NOX3: variants seen among roughly 807,000 people sequenced by gnomAD.
NOX3 encodes the protein NADPH oxidase catalytic subunit-like 3.
Under a neutral mutation model 76.7 loss-of-function variants are expected in NOX3, and 74 were observed. The ratio of observed to expected loss-of-function variants is 0.96; its 90% confidence interval spans 0.80 to 1.17. The LOEUF is 1.17. Among genes scored for constraint, NOX3 ranks in the 50% most tolerant of loss-of-function variants. NOX3 has a pLI of 0.00. For synonymous variants in NOX3, 263 were observed against 261.1 expected, an observed-to-expected ratio of 1.01 and a Z score of -0.07; for missense variants, 695 against 703.3, an observed-to-expected ratio of 0.99 and a Z score of 0.13.
chr6:155,423,445 A>G (rs1441345430), intron 9 of NOX3, among the ~76,000 whole-genome samples: 2 of 152,326 alleles, frequency 1.3e-5, no homozygotes, highest in South Asian at 2.1e-4. Flanking sequence ...ATACTGACTC[A>G]AAATCTGTGG....
Position 155,436,487 on chromosome 6 carries a change from T to C in NOX3, c.729A>G (p.Arg243=). 1 of 1,614,152 alleles carries C rather than the reference T, an allele frequency of 6.2e-7. No individual in the cohort carries two copies. Among genetic ancestry groups the C allele is most frequent in the Non-Finnish European group, 8.5e-7 (1 of 1,179,966 alleles). ...CTGTCTGCCATTCTGCATAGCGGTC[T>C]CTACAGAAGGTGATGTTGTGCAGAG... The part of the protein sequence containing the change: ...SLSLHNITFC[R]DRYAEWQTVA... The change falls in exon 7 of 14, where the codon AGA becomes AGG. Residue 243 remains arginine (R), a synonymous_variant. Transcript: ENST00000159060.
chr6:155,399,014 G>A (rs924433565), intron 12 of NOX3, among the ~76,000 whole-genome samples: 2 of 152,190 alleles, frequency 1.3e-5, no homozygotes, highest in Non-Finnish European at 2.9e-5. Context: ...GGTGCGGGGT[G>A]TTAACACAGA....
At chr6:155,402,811 C>A (rs1165487918) in intron 12 of NOX3, among the ~76,000 whole-genome samples, 1 of 152,194 alleles carries the variant, frequency 6.6e-6, no homozygotes, top group Non-Finnish European at 1.5e-5. Context: ...CGGCTTCGTG[C>A]TGATGAATAG....
In NOX3 at chr6:155,427,880, CT is replaced by C. The variant is rs535303759; in HGVS notation, c.1145+913del. ...CTTCTGTTATGTGCCCAGGCTTTTT[CT>C]TTTTCTTTCCTCCTCCTCCTCCTCC... On this transcript the variant is annotated intron_variant, in intron 9 of 13. Coordinates refer to ENST00000159060, the MANE Select transcript of NOX3 (RefSeq NM_015718.3). 1.4e-3 allele frequency among the ~76,000 whole-genome samples: 208 copies of C among 152,112 alleles called. 2 individuals are homozygous for C. Among genetic ancestry groups the C allele is most frequent in the African/African-American group, 4.8e-3 (199 of 41,508 alleles).
At chr6:155,412,303 G>A (rs998970639) in intron 10 of NOX3, among the ~76,000 whole-genome samples, 2 of 151,942 alleles carry the variant, frequency 1.3e-5, no homozygotes, top group Non-Finnish European at 2.9e-5. Flanking sequence ...CCTCTCTGCC[G>A]GCCAGCTTGT....
chr6:155,442,230 C>G (rs6902808), intron 5 of NOX3, among the ~76,000 whole-genome samples: 1,609 of 152,106 alleles, frequency 0.011, 25 homozygotes, highest in African/African-American at 0.034. Flanking sequence ...CACCACTGCA[C>G]TCCAGCTCTG....
chr6:155,418,388 C>G (rs1373557726), intron 10 of NOX3, among the ~76,000 whole-genome samples: 2 of 152,216 alleles, frequency 1.3e-5, no homozygotes, highest in East Asian at 3.8e-4. Flanking sequence ...TCAGCCTTCC[C>G]TCATCCCACA....
At chr6:155,405,339 G>C in intron 12 of NOX3, among the ~76,000 whole-genome samples, 1 of 152,128 alleles carries the variant, frequency 6.6e-6, no homozygotes. Context: ...AGATATGAGT[G>C]TCACGTATTA....
chr6:155,443,402 C>T lies in NOX3; in HGVS notation c.357G>A (p.Ala119=), dbSNP rs777057455. 4.3e-5 allele frequency: 69 copies of T among 1,613,606 alleles called. No homozygotes were observed. In the Admixed American group the frequency reaches 5.8e-4, roughly 14 times the overall value. Residue 119 remains alanine (A), a synonymous_variant, in exon 5 of 14, where the codon GCG becomes GCA. Coordinates refer to ENST00000159060, the MANE Select transcript of NOX3 (RefSeq NM_015718.3). ...GGTAGCGTTCCAGGTTGAAGAAATGCGCCACGATGTGGATGGCTAGGACAA... is the reference window on the plus strand; with the variant it reads ...GGTAGCGTTCCAGGTTGAAGAAATGTGCCACGATGTGGATGGCTAGGACAA... ...IAVNATIHIV[A]HFFNLERYHW...
rs1164266461 is a variant in NOX3 at position 155,443,260 on chromosome 6, T to C, written c.486+13A>G. The C allele has an allele frequency of 6.2e-7, 1 of 1,609,882 alleles. No individual in the cohort carries two copies. Among genetic ancestry groups the C allele is most frequent in the Non-Finnish European group, 8.5e-7 (1 of 1,177,348 alleles). On this transcript the variant is annotated intron_variant, in intron 5 of 13. Coordinates refer to ENST00000159060, the MANE Select transcript of NOX3 (RefSeq NM_015718.3). ...TTTTCAGGGGAGAAGCTTGTTAGCA[T>C]GCAGGAACTCACTGTGGGGAAGGTC...
intron 6 of NOX3, among the ~76,000 whole-genome samples, chr6:155,438,938 G>A (rs773890153): frequency 3.9e-4 from 60 of 152,324 alleles, no homozygotes; most frequent in Middle Eastern, 6.8e-3. Context: ...TGGTGTTGAG[G>A]AAGGTTTAAT....
intron 7 of NOX3, among the ~76,000 whole-genome samples, chr6:155,434,815 C>A (rs1302523086): frequency 6.6e-6 from 1 of 152,090 alleles, no homozygotes; most frequent in African/African-American, 2.4e-5. Context: ...TTAATCAGTT[C>A]CATTTACACG....
Position 155,396,799 on chromosome 6 carries a change from A to C in NOX3, c.*27+10T>G. On this transcript the variant is annotated intron_variant, in intron 13 of 13. Transcript: ENST00000159060. ...CCCAATCCCTGACCTGTATGATTGC[A>C]GCCACTTACACAATGCCTGGACTTG... 6.3e-7 allele frequency: 1 copy of C among 1,587,488 alleles called. No homozygotes were observed. The highest frequency in any genetic ancestry group is 8.6e-7 in the Non-Finnish European group (1 of 1,166,470).
In NOX3 at chr6:155,423,361, T is replaced by A. The variant is rs568691479; in HGVS notation, c.1146-505A>T. On this transcript the variant is annotated intron_variant, in intron 9 of 13. Transcript: ENST00000159060. The stretch of plus-strand genomic sequence containing the variant: ...TGTAATTTTAGTCTAATGGAAGCTA[T>A]TCATTTGGAATAAATATAATTTTGA... 1.3e-3 allele frequency among the ~76,000 whole-genome samples: 204 copies of A among 152,326 alleles called. 1 individual carries two copies. Among genetic ancestry groups the A allele is most frequent in the African/African-American group, 4.5e-3 (187 of 41,576 alleles).
Position 155,399,960 on chromosome 6 carries a change from G to A in NOX3, c.1581-2998C>T, listed in dbSNP as rs191713743. ...AGCTGGATCGGGGACAATGTTAATG[G>A]CATTGATCAGTCTGGGCTGCTGACT... On this transcript the variant is annotated intron_variant, in intron 12 of 13. Transcript: ENST00000159060. Among the ~76,000 whole-genome samples the A allele has an allele frequency of 5.3e-4, 81 of 152,306 alleles. 1 individual carries two copies. Among genetic ancestry groups the A allele is most frequent in the Admixed American group, 5.2e-3 (80 of 15,304 alleles).
At chr6:155,409,750 G>A (rs1026958038) in intron 11 of NOX3, among the ~76,000 whole-genome samples, 1 of 152,050 alleles carries the variant, frequency 6.6e-6, no homozygotes. Context: ...TTTAGGAGTC[G>A]AAATAATTTT....
At chr6:155,431,514 CA>C (rs1192620433) in intron 7 of NOX3, among the ~76,000 whole-genome samples, 4 of 151,228 alleles carry the variant, frequency 2.6e-5, no homozygotes, top group Non-Finnish European at 2.9e-5. Flanking sequence ...CTAATCACAG[CA>C]AAAGGCTCAA....
intron 4 of NOX3, among the ~76,000 whole-genome samples, chr6:155,445,996 T>TATATATGCTATATATATATATATAA (rs1554264831): frequency 2.2e-5 from 3 of 134,386 alleles, no homozygotes; most frequent in Non-Finnish European, 3.1e-5. Context: ...TATATATATA[T>TATATATGCTATATATATATATATAA]AATATATATA....
At chr6:155,416,647 C>T (rs1247673171) in intron 10 of NOX3, among the ~76,000 whole-genome samples, 3 of 151,828 alleles carry the variant, frequency 2.0e-5, no homozygotes, top group African/African-American at 7.3e-5. Flanking sequence ...TATATTGCTA[C>T]TTCGCCCTGT....
Sources: allele counts gnomAD v4.1 joint callset (sites outside exome capture counted in the v4.1 genomes callset), GRCh38; gene constraint gnomAD v4.1.1; transcripts MANE v1.5; gene names NCBI Gene and HGNC (gene_info 2026-07-23, HGNC 2026-07-21).